The following TMEM230 variants were observed in gnomAD, a reference collection of about 807,000 sequenced individuals.
TMEM230 encodes transmembrane protein 230, also known as UPF0414 transmembrane protein C20orf30.
In TMEM230, 10 loss-of-function variants were observed where a neutral mutation model predicts 15.8. That is an observed-to-expected ratio of 0.63 (90% CI 0.39 to 1.07). The LOEUF (loss-of-function observed/expected upper bound fraction) is 1.07. Ranked by LOEUF, TMEM230 falls within the 50% of genes least tolerant of loss-of-function variation. The pLI is 0.01. For synonymous variants in TMEM230, 67 were observed against 76.9 expected (o/e 0.87, Z 0.68); for missense variants, 165 against 193.3 (o/e 0.85, Z 0.87).
rs370077995 is a variant in TMEM230 at position 5,112,970 on chromosome 20, G to A, written c.59C>T (p.Ala20Val). The change falls in exon 1 of 5, where the codon GCG (alanine) becomes GTG (valine). Residue 20 changes from alanine (A) to valine (V), a missense_variant. Coordinates refer to ENST00000342308, the MANE Select transcript of TMEM230 (RefSeq NM_001009923.2). ...CGCACACACGCCTTACCGGAGCGCC[G>A]CGCCAGGCCGCCCGCACACCCAGAG... is the stretch of plus-strand genomic sequence containing the variant. 3 of 1,550,378 alleles carry A rather than the reference G, an allele frequency of 1.9e-6. No individual in the cohort carries two copies. Among genetic ancestry groups the A allele is most frequent in the Non-Finnish European group, 2.6e-6 (3 of 1,147,106 alleles).
intron 3 of TMEM230, among the ~76,000 whole-genome samples, chr20:5,089,360 G>C (rs2089442937): frequency 6.8e-6 from 1 of 146,390 alleles, no homozygotes; most frequent in Non-Finnish European, 1.5e-5. Context: ...GGGCAACAGA[G>C]CGAGAATCTG....
chr20:5,108,420 C>CAAAAA (rs556966217), intron 3 of TMEM230, among the ~76,000 whole-genome samples: 47 of 79,856 alleles, frequency 5.9e-4, no homozygotes, highest in Admixed American at 1.4e-4. Context: ...ACTCCGTCTC[C>CAAAAA]AAAAAAAAAA....
At chr20:5,083,218 G>A (rs1050451861) in intron 3 of TMEM230, among the ~76,000 whole-genome samples, 14 of 150,654 alleles carry the variant, frequency 9.3e-5, no homozygotes, top group African/African-American at 2.9e-4. Flanking sequence ...GTGAGCCACC[G>A]CACCCGGCCT....
intron 3 of TMEM230, among the ~76,000 whole-genome samples, chr20:5,087,684 A>G (rs1339260140): frequency 1.4e-5 from 2 of 141,220 alleles, no homozygotes; most frequent in Admixed American, 7.4e-5. Context: ...AAATAGGCCA[A>G]AGAAAGTATG....
In TMEM230 at chr20:5,069,251, G is replaced by A. The variant is rs180688791; in HGVS notation, c.321C>T (p.Pro107=). 7.7e-5 allele frequency: 119 copies of A among 1,535,766 alleles called. No individual in the cohort carries two copies. In the African/African-American group the frequency reaches 1.1e-3, roughly 14 times the overall value. ...GAAGCCTTGAGCTGAGTCCTCCTTC[G>A]GGACTCCTCCCACTGATGCCTCCCA... Residue 107 remains proline (P), a synonymous_variant, in exon 4 of 4, where the codon CCC becomes CCT. Coordinates refer to the TMEM230 transcript ENST00000612323.
chr20:5,096,931 TAA>T (rs903360877), downstream of TMEM230, among the ~76,000 whole-genome samples: 2 of 152,274 alleles, frequency 1.3e-5, no homozygotes, highest in Admixed American at 6.5e-5. Flanking sequence ...ATGCTGGATA[TAA>T]AAGAGTGGTG....
the TMEM230 span, among the ~76,000 whole-genome samples, chr20:5,060,702 ATAGT>A: frequency 2.6e-4 from 39 of 152,134 alleles, no homozygotes; most frequent in African/African-American, 9.2e-4. Context: ...TCATCCACAT[ATAGT>A]TAGAGTTTTG....
chr20:5,103,579 C>T (rs746066591), intron 4 of TMEM230, among the ~76,000 whole-genome samples: 38 of 150,386 alleles, frequency 2.5e-4, no homozygotes, highest in Non-Finnish European at 4.4e-4. Flanking sequence ...TGCAGTGAGC[C>T]GAGATGGTGC....
the TMEM230 span, chr20:5,061,141 A>T: frequency 3.9e-5 from 6 of 152,222 alleles, no homozygotes; most frequent in Non-Finnish European, 8.8e-5. Context: ...TGCTTGTATA[A>T]CATATTATGA....
chr20:5,082,268 T>C (rs2089204161), intron 3 of TMEM230, among the ~76,000 whole-genome samples: 1 of 151,700 alleles, frequency 6.6e-6, no homozygotes. Context: ...CGAGACAGGG[T>C]CTTGCTCTGT....
intron 3 of TMEM230, among the ~76,000 whole-genome samples, chr20:5,083,723 T>C (rs1354039504): frequency 6.6e-6 from 1 of 152,248 alleles, no homozygotes; most frequent in African/African-American, 2.4e-5. Context: ...ATGGACAGTG[T>C]TGCTTCTAAA....
rs2090218308 is a variant in TMEM230 at position 5,109,320 on chromosome 20, T to G, written c.288+12A>C. 1.2e-6 allele frequency: 2 copies of G among 1,603,026 alleles called. No homozygotes were observed. Among genetic ancestry groups the G allele is most frequent in the Non-Finnish European group, 1.7e-6 (2 of 1,172,200 alleles). ...CAGCCAGTCAGTCTTGTCAGTTCTC[T>G]TCTGCATTTACCTGAAGGTCAATGT... is the stretch of plus-strand genomic sequence containing the variant. On this transcript the variant is annotated intron_variant, in intron 3 of 4. Transcript: ENST00000342308.
chr20:5,066,734 C>T (rs2088659605), downstream of TMEM230, among the ~76,000 whole-genome samples: 1 of 151,658 alleles, frequency 6.6e-6, no homozygotes, highest in Non-Finnish European at 1.5e-5. Flanking sequence ...TGGTTATTCA[C>T]ACCTGTGATT....
exon 4 of TMEM230, chr20:5,068,589 GA>G (rs1186207010): frequency 1.3e-5 from 2 of 152,288 alleles, no homozygotes; most frequent in Non-Finnish European, 2.9e-5. Context: ...CAGCTTGGGG[GA>G]AACCACCCCA....
intron 3 of TMEM230, among the ~76,000 whole-genome samples, chr20:5,077,825 C>T (rs1376881655): frequency 2.7e-5 from 4 of 149,390 alleles, no homozygotes; most frequent in Admixed American, 1.3e-4. Flanking sequence ...GAGAGCAAGA[C>T]TCAACTAAAA....
chr20:5,087,532 T>C (rs2089378566), intron 3 of TMEM230, among the ~76,000 whole-genome samples: 1 of 150,550 alleles, frequency 6.6e-6, no homozygotes. Flanking sequence ...TCTCATTCTG[T>C]CTCACAGGCT....
At chr20:5,112,682 C>A (rs1568513696) in intron 1 of TMEM230, 1 of 1,402,890 alleles carries the variant, frequency 7.1e-7, no homozygotes, top group East Asian at 2.7e-5. Flanking sequence ...CTAAAAGCAT[C>A]ATAAAACGTT....
At chr20:5,102,103 C>T (rs1271709809) in intron 4 of TMEM230, among the ~76,000 whole-genome samples, 1 of 152,164 alleles carries the variant, frequency 6.6e-6, no homozygotes. Context: ...TCTCAGAGGC[C>T]AAGTTTGCCT....
intron 3 of TMEM230, among the ~76,000 whole-genome samples, chr20:5,074,839 T>G (rs1371538282): frequency 6.6e-6 from 1 of 152,226 alleles, no homozygotes; most frequent in African/African-American, 2.4e-5. Context: ...TTTATTACTT[T>G]TTAAAATAAA....
Sources: allele counts gnomAD v4.1 joint callset (sites outside exome capture counted in the v4.1 genomes callset), GRCh38; gene constraint gnomAD v4.1.1; transcripts MANE v1.5; gene names NCBI Gene and HGNC (gene_info 2026-07-23, HGNC 2026-07-21).